Variants in USP13 observed in about 807,000 individuals in gnomAD.
USP13 encodes the protein ubiquitin specific peptidase 13.
Under a neutral mutation model 107.8 loss-of-function variants are expected in USP13, and 68 were observed. The observed-to-expected ratio is 0.63, with a 90% confidence interval of 0.52 to 0.77. The LOEUF (loss-of-function observed/expected upper bound fraction) is 0.77. Ranked by LOEUF, USP13 falls within the 30% of genes least tolerant of loss-of-function variation. The pLI is 0.00. For synonymous variants in USP13, 377 were observed against 389.5 expected, an observed-to-expected ratio of 0.97 and a Z score of 0.38; for missense variants, 945 against 1,093.3, an observed-to-expected ratio of 0.86 and a Z score of 1.91.
intron 1 of USP13, among the ~76,000 whole-genome samples, chr3:179,659,204 C>T (rs1316621243): frequency 1.3e-5 from 2 of 152,068 alleles, no homozygotes; most frequent in East Asian, 3.9e-4. Context: ...GTTTAGATAT[C>T]CACCAGGAAA....
At position 179,784,051 on chromosome 3, in the gene USP13, G is replaced by C; in HGVS notation, c.2502G>C (p.Trp834Cys). The C allele has an allele frequency of 1.2e-6, 2 of 1,608,824 alleles. No homozygotes were observed. The highest frequency in any genetic ancestry group is 8.5e-7 in the Non-Finnish European group (1 of 1,178,558). The part of the protein sequence containing the change: ...YICHIKKEGR[W>C]VIYNDHKVCA... The stretch of plus-strand genomic sequence containing the variant: ...AATGCTTCTGTCTTATTTTCAGATG[G>C]GTGATTTACAATGACCACAAAGTTT... Residue 834 changes from tryptophan (W) to cysteine (C), a missense_variant, in exon 21 of 21, where the codon TGG becomes TGC. Transcript: ENST00000263966.
intron 1 of USP13, among the ~76,000 whole-genome samples, chr3:179,664,841 A>G (rs1360409487): frequency 6.6e-6 from 1 of 152,220 alleles, no homozygotes; most frequent in Non-Finnish European, 1.5e-5. Flanking sequence ...TAATCCCAGC[A>G]CTTTGGGAGG....
intron 19 of USP13, among the ~76,000 whole-genome samples, chr3:179,766,655 T>A (rs562816461): frequency 1.3e-5 from 2 of 152,338 alleles, no homozygotes; most frequent in South Asian, 4.1e-4. Flanking sequence ...CAGGCACTGT[T>A]CTAAGCACTT....
chr3:179,761,609 C>G (rs528078186), intron 17 of USP13, among the ~76,000 whole-genome samples: 2 of 152,270 alleles, frequency 1.3e-5, no homozygotes, highest in Admixed American at 1.3e-4. Flanking sequence ...GTAGTCCCAG[C>G]TACTCAGGAG....
At chr3:179,674,090 T>C (rs1720823327) in intron 1 of USP13, among the ~76,000 whole-genome samples, 1 of 151,942 alleles carries the variant, frequency 6.6e-6, no homozygotes, top group Non-Finnish European at 1.5e-5. Flanking sequence ...GCGGGGTTTC[T>C]CCATGTTGGC....
chr3:179,704,578 GA>G (rs754921217), intron 4 of USP13, among the ~76,000 whole-genome samples: 26 of 152,150 alleles, frequency 1.7e-4, no homozygotes, highest in Non-Finnish European at 2.8e-4. Flanking sequence ...TCACAGTCAG[GA>G]ACAAGGAAGA....
At chr3:179,780,416 T>G (rs1296296245) in intron 19 of USP13, among the ~76,000 whole-genome samples, 1 of 152,156 alleles carries the variant, frequency 6.6e-6, no homozygotes, top group African/African-American at 2.4e-5. Context: ...CAAAATTAAA[T>G]TATATTTCTA....
At chr3:179,732,976 T>C (rs975301175) in intron 10 of USP13, among the ~76,000 whole-genome samples, 22 of 152,170 alleles carry the variant, frequency 1.4e-4, no homozygotes, top group Non-Finnish European at 3.2e-4. Flanking sequence ...GGTCCACACA[T>C]AAAATCTAAA....
intron 6 of USP13, among the ~76,000 whole-genome samples, chr3:179,719,563 C>A (rs1439805513): frequency 1.3e-5 from 2 of 152,154 alleles, no homozygotes; most frequent in African/African-American, 4.8e-5. Flanking sequence ...GCCGTCATCC[C>A]CTCCTCCTGT....
At chr3:179,743,419 G>A (rs1265679615) in intron 12 of USP13, among the ~76,000 whole-genome samples, 4 of 151,342 alleles carry the variant, frequency 2.6e-5, no homozygotes, top group African/African-American at 7.3e-5. Context: ...AAAATTCAGC[G>A]GTTCCCTGGA....
In USP13 at chr3:179,782,763, G is replaced by C. The variant is rs142744981; in HGVS notation, c.2498+940G>C. ...GCACAGGAATTTATCTCTTTTTTTTGAGATGGAGTTTCACTCTTATTGCCC... is the reference window on the plus strand; with the variant it reads ...GCACAGGAATTTATCTCTTTTTTTTCAGATGGAGTTTCACTCTTATTGCCC... On this transcript the variant is annotated intron_variant, in intron 20 of 20. Transcript: ENST00000263966. Among the ~76,000 whole-genome samples the C allele has an allele frequency of 4.0e-5, 6 of 151,678 alleles. No homozygotes were observed. In the East Asian group the frequency reaches 1.2e-3, roughly 29 times the overall value.
intron 10 of USP13, among the ~76,000 whole-genome samples, chr3:179,734,934 G>A (rs1341287672): frequency 3.9e-5 from 6 of 152,176 alleles, no homozygotes; most frequent in Non-Finnish European, 7.3e-5. Flanking sequence ...AGGGGAATAT[G>A]GTGGACTGTG....
chr3:179,735,474 A>G (rs1262793189), intron 10 of USP13, among the ~76,000 whole-genome samples: 1 of 151,674 alleles, frequency 6.6e-6, no homozygotes, highest in Non-Finnish European at 1.5e-5. Flanking sequence ...AAAAGTAGAG[A>G]GCAAAGTATA....
intron 10 of USP13, 127 bp from the exon 11 acceptor site, chr3:179,740,120 T>A: frequency 7.3e-7 from 1 of 1,363,422 alleles, no homozygotes; most frequent in Non-Finnish European, 1.0e-6. Context: ...TATCATTATT[T>A]ACCTTCTTTG....
rs545294858 is a variant in USP13 at position 179,772,995 on chromosome 3, G to C, written c.2413+7147G>C. ...CTGTTTTTTCTCAGAGAGGGCATGA[G>C]GGGAAATCAAGCTGTTGGAGAGATT... On this transcript the variant is annotated intron_variant, in intron 19 of 20. Transcript: ENST00000263966. 3.3e-5 allele frequency among the ~76,000 whole-genome samples: 5 copies of C among 152,294 alleles called. No homozygotes were observed. The South Asian group carries it at 6.2e-4, about 19-fold the overall frequency.
chr3:179,673,158 C>A (rs1720796386), intron 1 of USP13, among the ~76,000 whole-genome samples: 1 of 152,080 alleles, frequency 6.6e-6, no homozygotes, highest in Non-Finnish European at 1.5e-5. Flanking sequence ...CTATGCGTGG[C>A]CATGAGTTTT....
intron 3 of USP13, among the ~76,000 whole-genome samples, chr3:179,696,323 T>C (rs1224212212): frequency 7.5e-6 from 1 of 134,168 alleles, no homozygotes; most frequent in Non-Finnish European, 1.5e-5. Flanking sequence ...ACAGAGCCAT[T>C]AGGCATTTTT....
In USP13 at chr3:179,776,892, G is replaced by A. The variant is rs1260343703; in HGVS notation, c.2414-4847G>A. ...TTTTTTTTTTTTTTTTTGGGAGGAC[G>A]TCTCTGGGAACTTAGAGAAGAATCA... is the stretch of plus-strand genomic sequence containing the variant. On this transcript the variant is annotated intron_variant, in intron 19 of 20. Coordinates refer to ENST00000263966, the MANE Select transcript of USP13 (RefSeq NM_003940.3). 4.7e-5 allele frequency among the ~76,000 whole-genome samples: 6 copies of A among 127,180 alleles called. No individual in the cohort carries two copies. In the South Asian group the frequency reaches 1.1e-3, roughly 23 times the overall value. 83.4% of individuals were successfully genotyped at this position (127,180 alleles called of 152,430 possible).
chr3:179,754,828 C>A lies in USP13; in HGVS notation c.1895C>A (p.Pro632His), dbSNP rs763304833. The A allele has an allele frequency of 2.5e-6, 4 of 1,612,544 alleles. No homozygotes were observed. Among genetic ancestry groups the A allele is most frequent in the Admixed American group, 1.7e-5 (1 of 59,726 alleles). The change falls in exon 15 of 21, where the codon CCC (proline) becomes CAC (histidine). Residue 632 changes from proline to histidine, a missense_variant. Physicochemically the swap from Pro to His is moderately conservative, Grantham distance 77 (BLOSUM62 -2). Coordinates refer to ENST00000263966, the MANE Select transcript of USP13 (RefSeq NM_003940.3). ...GEEELPDISP[P>H]IVIPDDSKDR... is the part of the protein sequence containing the mutation. ...GAAGAACTTCCAGACATCAGCCCCC[C>A]CATAGTCATTCCTGATGACTCAAAA...
Sources: allele counts gnomAD v4.1 joint callset (sites outside exome capture counted in the v4.1 genomes callset), GRCh38; gene constraint gnomAD v4.1.1; transcripts MANE v1.5; gene names NCBI Gene and HGNC (gene_info 2026-07-23, HGNC 2026-07-21).